The following RIMS1 variants were observed in gnomAD, a reference collection of about 807,000 sequenced individuals.
RIMS1 encodes regulating synaptic membrane exocytosis 1.
In RIMS1, 83 loss-of-function variants were observed where a neutral mutation model predicts 214.1. That is an observed-to-expected ratio of 0.39 (90% confidence interval 0.32 to 0.47). The LOEUF (loss-of-function observed/expected upper bound fraction) is 0.47. Ranked by LOEUF, RIMS1 falls within the 20% of genes least tolerant of loss-of-function variation. RIMS1 has a pLI of 0.99. For synonymous variants in RIMS1, 793 were observed against 786.8 expected (o/e 1.01, Z -0.13); for missense variants, 2,050 against 2,161.8 (o/e 0.95, Z 1.03).
intron 1 of RIMS1, among the ~76,000 whole-genome samples, chr6:71,892,334 A>C (rs1770166050): frequency 6.6e-6 from 1 of 152,170 alleles, no homozygotes; most frequent in Non-Finnish European, 1.5e-5. Context: ...GCCTGTGAGT[A>C]TTTATTAGTT....
At chr6:71,985,240 CATT>C (rs1799593384) in intron 2 of RIMS1, among the ~76,000 whole-genome samples, 2 of 151,804 alleles carry the variant, frequency 1.3e-5, no homozygotes, top group South Asian at 4.2e-4. Context: ...AAAAATAAAA[CATT>C]AGCCAGGCAT....
intron 29 of RIMS1, among the ~76,000 whole-genome samples, chr6:72,389,806 C>A (rs555633112): frequency 1.3e-5 from 2 of 152,254 alleles, no homozygotes; most frequent in Admixed American, 6.5e-5. Context: ...GAATTTATTT[C>A]CATGCTATGA....
chr6:72,051,869 T>A (rs1824780412), intron 2 of RIMS1, among the ~76,000 whole-genome samples: 1 of 152,240 alleles, frequency 6.6e-6, no homozygotes, highest in East Asian at 1.9e-4. Flanking sequence ...AGCTGTTTTT[T>A]TTTCAATTTA....
intron 2 of RIMS1, among the ~76,000 whole-genome samples, chr6:72,042,093 A>C (rs771888943): frequency 2.6e-5 from 4 of 151,952 alleles, no homozygotes; most frequent in African/African-American, 4.8e-5. Flanking sequence ...GTATCACGAA[A>C]ACATTTTTTC....
chr6:72,263,735 G>A (rs1377444999), intron 19 of RIMS1: 26 of 984,840 alleles, frequency 2.6e-5, no homozygotes, highest in Middle Eastern at 5.2e-4. Flanking sequence ...AAGCTGAAGC[G>A]GGCAGATCAC....
At chr6:72,280,691 A>G (rs549871810) in intron 23 of RIMS1, among the ~76,000 whole-genome samples, 2 of 152,158 alleles carry the variant, frequency 1.3e-5, no homozygotes, top group South Asian at 4.1e-4. Context: ...AAAAATGAAA[A>G]CAAAAATTAA....
chr6:72,336,657 G>A (rs117473546), intron 29 of RIMS1, among the ~76,000 whole-genome samples: 13,900 of 151,740 alleles, frequency 0.092, 788 homozygotes, highest in Non-Finnish European at 0.13. Context: ...CTTTCTATGT[G>A]TAAAATTTTA....
intron 2 of RIMS1, among the ~76,000 whole-genome samples, chr6:71,992,003 G>T (rs1801711079): frequency 6.6e-6 from 1 of 152,072 alleles, no homozygotes; most frequent in Non-Finnish European, 1.5e-5. Flanking sequence ...GGCAAAGGTT[G>T]CAGTGAGCTG....
intron 7 of RIMS1, 97 bp downstream of exon 7, chr6:72,233,937 G>A (rs1039417730): frequency 7.9e-6 from 6 of 763,252 alleles, no homozygotes; most frequent in Non-Finnish European, 1.3e-5. Flanking sequence ...TTATTCATTT[G>A]GTAAGGGCAA....
chr6:72,302,536 G>T (rs1158142384), intron 26 of RIMS1, among the ~76,000 whole-genome samples: 1 of 151,470 alleles, frequency 6.6e-6, no homozygotes, highest in Middle Eastern at 3.4e-3. Flanking sequence ...AGCATAGGAG[G>T]TGTGTCATTT....
At chr6:71,948,821 T>A (rs1788620112) in intron 1 of RIMS1, among the ~76,000 whole-genome samples, 1 of 152,150 alleles carries the variant, frequency 6.6e-6, no homozygotes, top group African/African-American at 2.4e-5. Context: ...CTCTGGGCTG[T>A]CAGAACAGGG....
At chr6:72,028,138 T>C (rs1817062240) in intron 2 of RIMS1, among the ~76,000 whole-genome samples, 1 of 152,120 alleles carries the variant, frequency 6.6e-6, no homozygotes, top group Non-Finnish European at 1.5e-5. Context: ...ATTATTTGAT[T>C]TAGCCAAGCA....
chr6:72,243,140 A>G (rs1269318420), intron 10 of RIMS1, among the ~76,000 whole-genome samples: 1 of 151,740 alleles, frequency 6.6e-6, no homozygotes, highest in Non-Finnish European at 1.5e-5. Context: ...GAACTGTTTT[A>G]TTATACTTGG....
chr6:71,912,177 G>C (rs972302449), intron 1 of RIMS1, among the ~76,000 whole-genome samples: 1 of 152,104 alleles, frequency 6.6e-6, no homozygotes, highest in Admixed American at 6.6e-5. Flanking sequence ...ACTTAACCCT[G>C]CCTCTTCTGT....
At chr6:72,230,327 A>G (rs938632716) in intron 6 of RIMS1, among the ~76,000 whole-genome samples, 1 of 151,704 alleles carries the variant, frequency 6.6e-6, no homozygotes, top group African/African-American at 2.4e-5. Flanking sequence ...GAGATAGTCA[A>G]GAAGTTCAAA....
chr6:72,092,062 T>C (rs1836373563), intron 2 of RIMS1, among the ~76,000 whole-genome samples: 1 of 152,222 alleles, frequency 6.6e-6, no homozygotes, highest in Non-Finnish European at 1.5e-5. Context: ...TCACTACCAG[T>C]ATCTTGCTTC....
At chr6:72,099,509 T>G (rs1007671100) in intron 3 of RIMS1, among the ~76,000 whole-genome samples, 1 of 152,220 alleles carries the variant, frequency 6.6e-6, no homozygotes, top group Non-Finnish European at 1.5e-5. Flanking sequence ...CTCTTCCCAT[T>G]TTTATTTATT....
At chr6:72,278,861 A>T (rs2154207697) in intron 23 of RIMS1, among the ~76,000 whole-genome samples, 1 of 152,158 alleles carries the variant, frequency 6.6e-6, no homozygotes, top group South Asian at 2.1e-4. Context: ...AAACTTAATG[A>T]GTAAATAGGG....
chr6:72,313,993 A>G (rs1199737762), intron 28 of RIMS1, among the ~76,000 whole-genome samples: 5 of 152,192 alleles, frequency 3.3e-5, no homozygotes, highest in Non-Finnish European at 7.4e-5. Flanking sequence ...CAGGCTTTGC[A>G]GAACAGTCTT....
Sources: allele counts gnomAD v4.1 joint callset (sites outside exome capture counted in the v4.1 genomes callset), GRCh38; gene constraint gnomAD v4.1.1; transcripts MANE v1.5; gene names NCBI Gene and HGNC (gene_info 2026-07-23, HGNC 2026-07-21).